UAP1: variants seen among roughly 807,000 people sequenced by gnomAD.
UAP1 encodes the protein UDP-N-acetylglucosamine pyrophosphorylase 1.
Under a neutral mutation model 58.5 loss-of-function variants are expected in UAP1, and 25 were observed. The observed-to-expected ratio is 0.43, with a 90% CI of 0.31 to 0.60. The LOEUF (loss-of-function observed/expected upper bound fraction) is 0.60, where lower values mean the gene tolerates loss of function less well. Among genes scored for constraint, UAP1 ranks in the 20% least tolerant of loss-of-function variants. UAP1 has a pLI of 0.11. For missense variants in UAP1, 575 were observed against 630.0 expected (o/e 0.91, Z 0.93); for synonymous variants, 208 against 213.0 (o/e 0.98, Z 0.21).
chr1:162,576,778 A>G (rs1174346383), exon 3 of UAP1: 2 of 1,613,246 alleles, frequency 1.2e-6, no homozygotes, highest in African/African-American at 2.7e-5. Flanking sequence ...CTTTTCTAGG[A>G]CTTTTCCAGA....
intron 2 of UAP1, among the ~76,000 whole-genome samples, chr1:162,570,431 A>G (rs1256549367): frequency 6.6e-6 from 1 of 152,164 alleles, no homozygotes; most frequent in Non-Finnish European, 1.5e-5. Context: ...ATTAAAAATT[A>G]TGAAAGTTTT....
chr1:162,577,818 G>A (rs1227697769), intron 3 of UAP1, among the ~76,000 whole-genome samples: 1 of 151,872 alleles, frequency 6.6e-6, no homozygotes, highest in East Asian at 1.9e-4. Flanking sequence ...CACCATGTTG[G>A]TCAAGCTGGT....
downstream of UAP1, among the ~76,000 whole-genome samples, chr1:162,600,107 CCA>C (rs1343085694): frequency 6.6e-6 from 1 of 152,156 alleles, no homozygotes; most frequent in Non-Finnish European, 1.5e-5. Flanking sequence ...TGAAGTGGTA[CCA>C]CTGGCATCTA....
At chr1:162,587,411 T>C in intron 5 of UAP1, 64 bp from the exon 6 acceptor site, 2 of 1,454,958 alleles carry the variant, frequency 1.4e-6, no homozygotes, top group Admixed American at 2.0e-5. Flanking sequence ...TCTTTGACAA[T>C]GGCAAATCTC....
chr1:162,579,711 A>G (rs1654464997), intron 4 of UAP1, 108 bp downstream of exon 4: 2 of 1,019,538 alleles, frequency 2.0e-6, no homozygotes, highest in African/African-American at 1.6e-5. Context: ...ACATTAATAT[A>G]TATGTGTTTT....
chr1:162,565,990 A>G lies in UAP1; in HGVS notation c.-57-22A>G, dbSNP rs142635646. 961 of 1,450,696 alleles carry G rather than the reference A, an allele frequency of 6.6e-4. 4 individuals carry two copies. In the African/African-American group the frequency reaches 7.7e-3, roughly 12 times the overall value. 89.9% of individuals were successfully genotyped at this position (1,450,696 alleles called of 1,614,324 possible). A position where few individuals can be genotyped will look rare whatever the true frequency, so the allele number is the denominator to read the frequency against. On this transcript the variant is annotated intron_variant, in intron 1 of 10. Coordinates refer to ENST00000271469, the Ensembl canonical transcript of UAP1. ...TTTGGAGGTTGGATTTTGACATGCC[A>G]TTAATTACTTTTCTCTTTTAGGTTT...
At chr1:162,581,922 A>C (rs912430387) in intron 5 of UAP1, among the ~76,000 whole-genome samples, 1 of 152,224 alleles carries the variant, frequency 6.6e-6, no homozygotes, top group Non-Finnish European at 1.5e-5. Flanking sequence ...AAGGACAATT[A>C]AAGAGGTGAA....
chr1:162,597,780 T>C lies in UAP1; in HGVS notation c.1410-12T>C. On this transcript the variant is annotated splice_polypyrimidine_tract_variant and intron_variant, in intron 9 of 10. Coordinates refer to ENST00000271469, the Ensembl canonical transcript of UAP1. Reference sequence around the variant, plus strand: ...AGCAAAGTCTTTAACACATACTTGTTTTTTTTCTTAGCTTGAAGGATGCCA... The same window carrying C: ...AGCAAAGTCTTTAACACATACTTGTCTTTTTTCTTAGCTTGAAGGATGCCA... 6.2e-7 allele frequency: 1 copy of C among 1,612,302 alleles called. No homozygotes were observed. The highest frequency in any genetic ancestry group is 8.5e-7 in the Non-Finnish European group (1 of 1,179,248).
At chr1:162,575,933 G>A (rs1050697596) in intron 2 of UAP1, among the ~76,000 whole-genome samples, 6 of 151,968 alleles carry the variant, frequency 3.9e-5, no homozygotes, top group African/African-American at 1.2e-4. Context: ...TCCACCTGCC[G>A]CGGCCTCCCA....
intron 2 of UAP1, among the ~76,000 whole-genome samples, chr1:162,573,417 G>T (rs1347879102): frequency 6.6e-6 from 1 of 152,112 alleles, no homozygotes; most frequent in African/African-American, 2.4e-5. Flanking sequence ...TCTCTAAAGT[G>T]GTGAAAATTA....
intron 2 of UAP1, among the ~76,000 whole-genome samples, chr1:162,571,772 T>C (rs1281431267): frequency 6.6e-6 from 1 of 152,232 alleles, no homozygotes; most frequent in East Asian, 1.9e-4. Flanking sequence ...ATAAGACAGA[T>C]ACTAATTTAT....
At position 162,592,744 on chromosome 1, in the gene UAP1, TG is replaced by T; in HGVS notation, c.1374del (p.Lys459SerfsTer13). ...TATTCCCACATAGCAGTGCTACAAA[TG>T]GGAAGTCAGAGACCATCACAGCTGA... On this transcript the variant is annotated frameshift_variant, in exon 9 of 11. Coordinates refer to ENST00000271469, the Ensembl canonical transcript of UAP1. LOFTEE classifies it high-confidence loss of function. 6.5e-7 allele frequency: 1 copy of T among 1,550,052 alleles called. No individual in the cohort carries two copies. Among genetic ancestry groups the T allele is most frequent in the Admixed American group, 2.0e-5 (1 of 51,002 alleles).
At chr1:162,587,573 A>C (rs372723748) in exon 6 of UAP1, 2 of 1,614,054 alleles carry the variant, frequency 1.2e-6, no homozygotes, top group African/African-American at 2.7e-5. Context: ...CCCTGGCAAC[A>C]GCTCAAAAAC....
chr1:162,570,698 T>C (rs2101745493), intron 2 of UAP1, among the ~76,000 whole-genome samples: 1 of 152,334 alleles, frequency 6.6e-6, no homozygotes, highest in Middle Eastern at 3.4e-3. Flanking sequence ...TGGGGAAATA[T>C]TGTAGTTTCT....
At chr1:162,592,427 G>C (rs1051815373) in intron 8 of UAP1, among the ~76,000 whole-genome samples, 2 of 152,038 alleles carry the variant, frequency 1.3e-5, no homozygotes, top group African/African-American at 4.8e-5. Flanking sequence ...CTGAACATTG[G>C]AATTTACTGG....
chr1:162,564,657 C>G (rs187725752), intron 1 of UAP1, among the ~76,000 whole-genome samples: 93 of 152,294 alleles, frequency 6.1e-4, no homozygotes, highest in African/African-American at 2.2e-3. Context: ...TCCTTTCTCT[C>G]ATCTCTTTAA....
chr1:162,577,181 T>C (rs1403381460), intron 3 of UAP1, among the ~76,000 whole-genome samples, 200 bp downstream of exon 3: 4 of 152,112 alleles, frequency 2.6e-5, no homozygotes, highest in African/African-American at 9.7e-5. Flanking sequence ...AAGCAATATA[T>C]ACTCACCGCC....
intron 2 of UAP1, among the ~76,000 whole-genome samples, chr1:162,575,485 G>C (rs1323581430): frequency 6.6e-6 from 1 of 152,100 alleles, no homozygotes; most frequent in Non-Finnish European, 1.5e-5. Flanking sequence ...AGGCTGGAGT[G>C]CAGTGGTGCA....
chr1:162,597,528 A>G (rs1210280662), intron 9 of UAP1: 3 of 403,920 alleles, frequency 7.4e-6, no homozygotes, highest in Non-Finnish European at 1.3e-5. Context: ...ATGTAAGGGG[A>G]CAGTGTGTAA....
Sources: allele counts gnomAD v4.1 joint callset (sites outside exome capture counted in the v4.1 genomes callset), GRCh38; gene constraint gnomAD v4.1.1; transcripts MANE v1.5; gene names NCBI Gene and HGNC (gene_info 2026-07-23, HGNC 2026-07-21).